Variants in ITGA1 observed in about 807,000 individuals in gnomAD.
ITGA1 encodes integrin alpha-1.
In ITGA1, 85 loss-of-function variants were observed where a neutral mutation model predicts 145.9. That is an observed-to-expected ratio of 0.58 (90% confidence interval 0.49 to 0.70). The LOEUF is 0.70. ITGA1 is among the 30% of genes least tolerant of loss of function. ITGA1 has a pLI of 0.00. For missense variants in ITGA1, 1,351 were observed against 1,418.7 expected, an observed-to-expected ratio of 0.95 and a Z score of 0.77; for synonymous variants, 520 against 495.3, an observed-to-expected ratio of 1.05 and a Z score of -0.66.
chr5:52,889,994 G>A (rs1292056232), intron 8 of ITGA1: 3 of 151,246 alleles, frequency 2.0e-5, no homozygotes, highest in South Asian at 4.2e-4. Flanking sequence ...TCCTTGCTTC[G>A]TTCAGGCCAA....
At chr5:52,940,566 G>A (rs918787908) in intron 26 of ITGA1, among the ~76,000 whole-genome samples, 19 of 151,736 alleles carry the variant, frequency 1.3e-4, no homozygotes, top group African/African-American at 2.9e-4. Context: ...CCACCACCAC[G>A]CCCGGCTAAT....
chr5:52,800,197 CTG>C (rs1014957692), intron 1 of ITGA1: 4 of 600,856 alleles, frequency 6.7e-6, no homozygotes, highest in South Asian at 2.0e-5. Context: ...CGCCGGGAGA[CTG>C]AGAGAGGAAA....
chr5:52,908,773 A>G, intron 12 of ITGA1, 125 bp from the exon 13 acceptor site: 4 of 983,600 alleles, frequency 4.1e-6, no homozygotes, highest in Non-Finnish European at 3.0e-6. Context: ...ATCAATTTTT[A>G]TCTTTCATTT....
intron 1 of ITGA1, among the ~76,000 whole-genome samples, chr5:52,789,153 T>A (rs1385600391): frequency 6.6e-6 from 1 of 152,170 alleles, no homozygotes; most frequent in Non-Finnish European, 1.5e-5. Flanking sequence ...GCTTGAAATA[T>A]AGCATTTTGT....
intron 18 of ITGA1, among the ~76,000 whole-genome samples, chr5:52,923,983 G>A (rs1240795470): frequency 6.6e-6 from 1 of 152,054 alleles, no homozygotes; most frequent in African/African-American, 2.4e-5. Context: ...TGAGAGAAAG[G>A]GACTGAGTTG....
intron 24 of ITGA1, among the ~76,000 whole-genome samples, chr5:52,938,467 C>A (rs1273879642): frequency 6.6e-6 from 1 of 152,044 alleles, no homozygotes; most frequent in Non-Finnish European, 1.5e-5. Context: ...CAAGAAATAG[C>A]AACAATGCTA....
Position 52,900,010 on chromosome 5 carries a change from C to T in ITGA1, c.1309+1627C>T, listed in dbSNP as rs148875688. On this transcript the variant is annotated intron_variant, in intron 11 of 28. Transcript: ENST00000282588. ...TATTGAGTACCAGCAATGTGCCAAA[C>T]ACTGAGTTTATAGGGAATAAAAAGA... 4.4e-3 allele frequency among the ~76,000 whole-genome samples: 668 copies of T among 152,216 alleles called. 8 individuals carry two copies. The highest frequency in any genetic ancestry group is 0.015 in the African/African-American group (639 of 41,536).
At chr5:52,891,220 T>C (rs902378280) in intron 8 of ITGA1, among the ~76,000 whole-genome samples, 1 of 151,974 alleles carries the variant, frequency 6.6e-6, no homozygotes, top group Admixed American at 6.6e-5. Context: ...CAATATACTA[T>C]TTCCTTTCTT....
intron 28 of ITGA1, among the ~76,000 whole-genome samples, chr5:52,952,194 A>G (rs575961388): frequency 6.1e-5 from 7 of 114,424 alleles, no homozygotes; most frequent in Non-Finnish European, 1.0e-4. Context: ...CTCAAAAAAA[A>G]AAAAGAAAAG....
At chr5:52,869,183 G>A (rs924155047) in intron 6 of ITGA1, among the ~76,000 whole-genome samples, 1 of 152,022 alleles carries the variant, frequency 6.6e-6, no homozygotes, top group Non-Finnish European at 1.5e-5. Flanking sequence ...TTTTTGACAA[G>A]GAGTTTCACT....
At chr5:52,906,512 T>C (rs976814294) in intron 12 of ITGA1, among the ~76,000 whole-genome samples, 6 of 152,216 alleles carry the variant, frequency 3.9e-5, no homozygotes, top group African/African-American at 7.2e-5. Flanking sequence ...CATTTACATA[T>C]GTATATATAA....
chr5:52,829,063 TA>T (rs1212018166), intron 1 of ITGA1, among the ~76,000 whole-genome samples: 1 of 152,198 alleles, frequency 6.6e-6, no homozygotes. Context: ...ATCCTTAACT[TA>T]AATACTTCTG....
At chr5:52,860,444 G>T (rs1423480916) in intron 2 of ITGA1, among the ~76,000 whole-genome samples, 2 of 152,226 alleles carry the variant, frequency 1.3e-5, no homozygotes, top group Non-Finnish European at 2.9e-5. Flanking sequence ...TACTTGGGAG[G>T]CTGAGGCAGG....
chr5:52,861,590 GC>G, intron 3 of ITGA1, 31 bp downstream of exon 3: 1 of 1,336,582 alleles, frequency 7.5e-7, no homozygotes, highest in Non-Finnish European at 1.1e-6. Context: ...CTGGTTTTAG[GC>G]CAGGTGCGGT....
intron 2 of ITGA1, among the ~76,000 whole-genome samples, chr5:52,852,400 G>A (rs545153273): frequency 1.3e-4 from 20 of 152,258 alleles, no homozygotes; most frequent in African/African-American, 4.1e-4. Flanking sequence ...CTTAAGGGAT[G>A]AGCCTTCAGG....
intron 1 of ITGA1, among the ~76,000 whole-genome samples, chr5:52,843,376 T>C (rs572924163): frequency 1.4e-4 from 22 of 152,340 alleles, no homozygotes; most frequent in Non-Finnish European, 1.9e-4. Context: ...ATTTATTTGA[T>C]ACCCTCTTGC....
intron 6 of ITGA1, among the ~76,000 whole-genome samples, chr5:52,879,924 C>T (rs1411459036): frequency 6.6e-6 from 1 of 152,174 alleles, no homozygotes; most frequent in Non-Finnish European, 1.5e-5. Context: ...TTATACCTAA[C>T]TAAGCAACTT....
intron 8 of ITGA1, chr5:52,889,549 A>G (rs530198042): frequency 1.3e-5 from 2 of 152,114 alleles, no homozygotes; most frequent in East Asian, 1.9e-4. Context: ...TTAATCTACC[A>G]TTCTAAATCT....
intron 12 of ITGA1, among the ~76,000 whole-genome samples, chr5:52,907,445 C>A (rs1278141336): frequency 6.6e-6 from 1 of 151,950 alleles, no homozygotes; most frequent in African/African-American, 2.4e-5. Context: ...GTATACAAGA[C>A]AAGAAGTGTC....
Sources: gnomAD v4.1 joint callset for allele counts (sites outside exome capture counted in the v4.1 genomes callset) on GRCh38, gnomAD v4.1.1 for gene constraint, MANE v1.5 for transcripts, NCBI Gene and HGNC (gene_info 2026-07-23, HGNC 2026-07-21) for gene names.